LHFPL3: variants seen among roughly 807,000 people sequenced by gnomAD.
The protein encoded by LHFPL3 is LHFPL tetraspan subfamily member 3.
A neutral mutation model predicts 19.3 loss-of-function variants in LHFPL3; 5 were observed. The observed-to-expected ratio is 0.26, with a 90% CI of 0.14 to 0.54. The LOEUF is 0.54. LHFPL3 is among the 20% of genes least tolerant of loss of function. LHFPL3 has a pLI of 0.94. For missense variants in LHFPL3, 249 were observed against 307.4 expected (o/e 0.81, Z 1.42); for synonymous variants, 133 against 126.2 (o/e 1.05, Z -0.36).
At position 104,865,303 on chromosome 7, in the gene LHFPL3, T is replaced by C. The variant is rs560284394; in HGVS notation, c.683-40884T>C. Among the ~76,000 whole-genome samples the C allele has an allele frequency of 5.9e-5, 9 of 152,090 alleles. No homozygotes were observed. In the South Asian group the frequency reaches 1.7e-3, roughly 28 times the overall value. On this transcript the variant is annotated intron_variant, in intron 2 of 2. Coordinates refer to ENST00000424859, the MANE Select transcript of LHFPL3 (RefSeq NM_199000.3). ...AGCTAAAGGAGGAAGTTTGAACCCA[T>C]GGCAAAGAAGTTAAAAACCTTGAAA...
chr7:104,360,136 C>G (rs1790362307), intron 1 of LHFPL3, among the ~76,000 whole-genome samples: 1 of 152,200 alleles, frequency 6.6e-6, no homozygotes, highest in Non-Finnish European at 1.5e-5. Context: ...TGCCATAGCA[C>G]ACTTATACTT....
At chr7:104,689,079 C>T (rs542720021) in intron 1 of LHFPL3, among the ~76,000 whole-genome samples, 1 of 152,274 alleles carries the variant, frequency 6.6e-6, no homozygotes, top group Admixed American at 6.5e-5. Context: ...AAGATATACC[C>T]TTGATTAATA....
chr7:104,820,558 C>G (rs1383087480), intron 2 of LHFPL3, among the ~76,000 whole-genome samples: 1 of 152,118 alleles, frequency 6.6e-6, no homozygotes, highest in Non-Finnish European at 1.5e-5. Context: ...CCAAGCAGCC[C>G]ACCTCATGCC....
rs1245800780 is a variant in LHFPL3, at chr7:104,616,247, G to T, written c.446-120428G>T. Among the ~76,000 whole-genome samples the T allele has an allele frequency of 2.6e-5, 4 of 152,226 alleles. No homozygotes were observed. The East Asian group carries it at 5.8e-4, about 22-fold the overall frequency. ...ACCTGACTTCAAACTATACTACAAGGCTATAGTAATCAAAACAGCTTGCTA... is the reference window on the plus strand; with the variant it reads ...ACCTGACTTCAAACTATACTACAAGTCTATAGTAATCAAAACAGCTTGCTA... On this transcript the variant is annotated intron_variant, in intron 1 of 2. Coordinates refer to ENST00000424859, the MANE Select transcript of LHFPL3 (RefSeq NM_199000.3).
At chr7:104,519,354 G>A (rs1270546765) in intron 1 of LHFPL3, among the ~76,000 whole-genome samples, 1 of 152,170 alleles carries the variant, frequency 6.6e-6, no homozygotes, top group Admixed American at 6.6e-5. Flanking sequence ...TAGAAAGAGG[G>A]AAAGCATTGG....
chr7:104,769,705 C>G (rs547273824), intron 2 of LHFPL3, among the ~76,000 whole-genome samples: 11 of 151,464 alleles, frequency 7.3e-5, no homozygotes, highest in Non-Finnish European at 1.6e-4. Flanking sequence ...TGAGAACATG[C>G]GGTGTTTGGT....
chr7:104,847,852 T>C (rs545065297), intron 2 of LHFPL3, among the ~76,000 whole-genome samples: 4 of 152,226 alleles, frequency 2.6e-5, no homozygotes, highest in Admixed American at 1.3e-4. Flanking sequence ...CATCACTTGA[T>C]TTAACATTTT....
At chr7:104,403,248 C>T (rs1584295982) in intron 1 of LHFPL3, among the ~76,000 whole-genome samples, 1 of 152,256 alleles carries the variant, frequency 6.6e-6, no homozygotes, top group South Asian at 2.1e-4. Flanking sequence ...TAGCTCAGAA[C>T]ACTTGAGAAG....
At chr7:104,767,040 ACTGAATAG>A (rs1228565048) in intron 2 of LHFPL3, among the ~76,000 whole-genome samples, 1 of 152,246 alleles carries the variant, frequency 6.6e-6, no homozygotes, top group Non-Finnish European at 1.5e-5. Context: ...TGAAAGAATC[ACTGAATAG>A]CTTCAAATTT....
chr7:104,625,163 G>A (rs1791519076), intron 1 of LHFPL3, among the ~76,000 whole-genome samples: 1 of 152,124 alleles, frequency 6.6e-6, no homozygotes, highest in African/African-American at 2.4e-5. Flanking sequence ...TGCATTCAGT[G>A]CCCACCTGGA....
chr7:104,876,424 A>G (rs1377216719), intron 2 of LHFPL3, among the ~76,000 whole-genome samples: 1 of 152,152 alleles, frequency 6.6e-6, no homozygotes, highest in South Asian at 2.1e-4. Context: ...AACTCCAACA[A>G]ATTTACAAGA....
At chr7:104,474,488 C>T (rs931453659) in intron 1 of LHFPL3, among the ~76,000 whole-genome samples, 1 of 151,848 alleles carries the variant, frequency 6.6e-6, no homozygotes, top group Non-Finnish European at 1.5e-5. Context: ...CATAGTGAAA[C>T]CCTGTCTCTA....
chr7:104,782,431 C>G (rs1192453530), intron 2 of LHFPL3, among the ~76,000 whole-genome samples: 1 of 152,218 alleles, frequency 6.6e-6, no homozygotes, highest in African/African-American at 2.4e-5. Context: ...TAGACCCCAA[C>G]TCTGAGTGGG....
intron 2 of LHFPL3, chr7:104,768,961 A>G (rs1225845203): frequency 6.6e-6 from 1 of 152,250 alleles, no homozygotes; most frequent in African/African-American, 2.4e-5. Context: ...GCAAGATTCC[A>G]TCAGCTGTTG....
At chr7:104,896,814 G>C (rs976878922) in intron 2 of LHFPL3, among the ~76,000 whole-genome samples, 1 of 152,132 alleles carries the variant, frequency 6.6e-6, no homozygotes, top group African/African-American at 2.4e-5. Flanking sequence ...GGCTGGGCTC[G>C]GTGGCTCATG....
At chr7:104,499,269 C>G (rs1030191509) in intron 1 of LHFPL3, among the ~76,000 whole-genome samples, 2 of 152,214 alleles carry the variant, frequency 1.3e-5, no homozygotes. Flanking sequence ...CTTCATCTAC[C>G]TATTTGCTCA....
intron 1 of LHFPL3, among the ~76,000 whole-genome samples, chr7:104,559,275 T>C (rs565290846): frequency 6.9e-6 from 1 of 145,074 alleles, no homozygotes; most frequent in East Asian, 2.0e-4. Flanking sequence ...TTGGGCAGTA[T>C]GGCCATTTTC....
chr7:104,845,419 G>T, intron 2 of LHFPL3: 1 of 1,536,022 alleles, frequency 6.5e-7, no homozygotes, highest in Non-Finnish European at 8.7e-7. Context: ...GGTAGTGTGA[G>T]ACCACACCAT....
At chr7:104,522,376 G>A (rs1328888793) in intron 1 of LHFPL3, among the ~76,000 whole-genome samples, 3 of 115,502 alleles carry the variant, frequency 2.6e-5, no homozygotes, top group Non-Finnish European at 5.4e-5. Flanking sequence ...ATCACACTCT[G>A]GGGACTGTTG....
Sources: allele counts gnomAD v4.1 joint callset (sites outside exome capture counted in the v4.1 genomes callset), GRCh38; gene constraint gnomAD v4.1.1; transcripts MANE v1.5; gene names NCBI Gene and HGNC (gene_info 2026-07-23, HGNC 2026-07-21).